ANTXR1: variants seen among roughly 807,000 people sequenced by gnomAD.
ANTXR1 encodes the protein ANTXR cell adhesion molecule 1, also known as anthrax toxin receptor 1.
Under a neutral mutation model 78.1 loss-of-function variants are expected in ANTXR1, and 19 were observed. That is an observed-to-expected ratio of 0.24 (90% CI 0.17 to 0.36). The LOEUF (loss-of-function observed/expected upper bound fraction) is 0.36, where lower values mean the gene tolerates loss of function less well. Among genes scored for constraint, ANTXR1 ranks in the 10% least tolerant of loss-of-function variants. The probability of loss-of-function intolerance (pLI) is 1.00; values close to 1 mark genes in which losing one functional copy is unlikely to be tolerated. For missense variants in ANTXR1, 518 were observed against 718.6 expected (o/e 0.72, Z 3.19); for synonymous variants, 273 against 260.5 (o/e 1.05, Z -0.46).
At position 69,013,442 on chromosome 2, in the gene ANTXR1, G is replaced by T; in HGVS notation, c.-58G>T. 1.9e-6 allele frequency: 3 copies of T among 1,571,028 alleles called. No individual in the cohort carries two copies. The highest frequency in any genetic ancestry group is 1.7e-6 in the Non-Finnish European group (2 of 1,159,748). ...CGCGGATGGCGCGTCCCTGAGGGTC[G>T]TGGCGAGTTCGCGGAGCGTGGGAAG... is the stretch of plus-strand genomic sequence containing the variant. On this transcript the variant is annotated 5_prime_UTR_variant, in exon 1 of 18. Coordinates refer to ENST00000303714, the MANE Select transcript of ANTXR1 (RefSeq NM_032208.3). This position sits in a 1 kb window ranked among gnomAD's most constrained non-coding sequence, Gnocchi z 5.0.
intron 17 of ANTXR1, among the ~76,000 whole-genome samples, chr2:69,228,310 C>T (rs1361949905): frequency 1.3e-5 from 2 of 152,168 alleles, no homozygotes; most frequent in Non-Finnish European, 2.9e-5. Context: ...AACAGAACAA[C>T]GGAGGCTGGG....
At chr2:69,137,228 C>T (rs915570139) in intron 12 of ANTXR1, among the ~76,000 whole-genome samples, 10 of 152,110 alleles carry the variant, frequency 6.6e-5, no homozygotes, top group African/African-American at 2.4e-4. Context: ...TGGTCTCTCG[C>T]TTCTTGATAT....
At chr2:69,089,315 T>G (rs1020117687) in intron 8 of ANTXR1, among the ~76,000 whole-genome samples, 1 of 152,240 alleles carries the variant, frequency 6.6e-6, no homozygotes, top group Non-Finnish European at 1.5e-5. Context: ...TTCTTAAGCA[T>G]GTTTGTTCAT....
intron 16 of ANTXR1, among the ~76,000 whole-genome samples, chr2:69,184,653 C>T (rs991718036): frequency 1.3e-5 from 2 of 152,004 alleles, no homozygotes; most frequent in South Asian, 2.1e-4. Context: ...CCTCTATTGA[C>T]TGGCGGTTTA....
rs111813922 is a variant in ANTXR1, at chr2:69,206,393, G to T, written c.1434+12978G>T. 3.4e-3 allele frequency among the ~76,000 whole-genome samples: 519 copies of T among 152,320 alleles called. 3 individuals carry two copies. Among genetic ancestry groups the T allele is most frequent in the African/African-American group, 0.012 (484 of 41,570 alleles). On this transcript the variant is annotated intron_variant, in intron 17 of 17. Transcript: ENST00000303714. ...AGAGTCTGGAAAATTGAAATAATAA[G>T]GGGCAGCATTCTCCTTAGTGGTATA... is the stretch of plus-strand genomic sequence containing the variant.
intron 17 of ANTXR1, among the ~76,000 whole-genome samples, chr2:69,203,067 T>C (rs1674812755): frequency 7.6e-6 from 1 of 131,478 alleles, no homozygotes; most frequent in Non-Finnish European, 1.7e-5. Flanking sequence ...GTCGTTTTTC[T>C]TGCACAATAA....
intron 13 of ANTXR1, among the ~76,000 whole-genome samples, chr2:69,163,384 G>A (rs764229619): frequency 1.3e-5 from 2 of 151,882 alleles, no homozygotes; most frequent in Non-Finnish European, 2.9e-5. Context: ...GCTGCTCTCG[G>A]CATTACCTCC....
chr2:69,077,532 C>T, intron 8 of ANTXR1, 44 bp downstream of exon 8: 1 of 1,596,980 alleles, frequency 6.3e-7, no homozygotes, highest in Non-Finnish European at 8.6e-7. Context: ...CAGGCACCTT[C>T]CGTCTCTGAT....
rs57902226 is a variant in ANTXR1, at chr2:69,020,394, CTGTTTTGTTT to C, written c.152+6767_152+6776del. On this transcript the variant is annotated intron_variant, in intron 1 of 17. Transcript: ENST00000303714. Reference sequence around the variant, plus strand: ...AAAAATAAAAATAAATAAGGCAAAACTGTTTTGTTTTGTTTTGTTTTGTTTTGTTTTGTGT... The same window carrying C: ...AAAAATAAAAATAAATAAGGCAAAACTGTTTTGTTTTGTTTTGTTTTGTGT... Among the ~76,000 whole-genome samples the C allele has an allele frequency of 2.3e-4, 35 of 151,300 alleles. No individual in the cohort carries two copies. The East Asian group carries it at 2.7e-3, about 12-fold the overall frequency.
At chr2:69,116,288 C>T (rs1333949860) in intron 10 of ANTXR1, among the ~76,000 whole-genome samples, 4 of 152,332 alleles carry the variant, frequency 2.6e-5, no homozygotes, top group Non-Finnish European at 5.9e-5. Context: ...CCCAGTTGGG[C>T]AATCAGTCAT....
At chr2:69,141,241 G>T (rs1482993122) in intron 12 of ANTXR1, among the ~76,000 whole-genome samples, 1 of 152,212 alleles carries the variant, frequency 6.6e-6, no homozygotes, top group Non-Finnish European at 1.5e-5. Context: ...AGAAGGAAAG[G>T]GAGGATGGAA....
chr2:69,088,005 G>A (rs780102765), intron 8 of ANTXR1, among the ~76,000 whole-genome samples: 2 of 152,176 alleles, frequency 1.3e-5, no homozygotes, highest in Non-Finnish European at 2.9e-5. Flanking sequence ...TCTATTGGCT[G>A]TATTGCATCC....
intron 9 of ANTXR1, among the ~76,000 whole-genome samples, chr2:69,102,532 A>G (rs1671656446): frequency 6.6e-6 from 1 of 152,232 alleles, no homozygotes; most frequent in Admixed American, 6.5e-5. Context: ...CCTGGATTTG[A>G]AAACTGGCTA....
intron 3 of ANTXR1, among the ~76,000 whole-genome samples, chr2:69,061,086 C>T (rs971960199): frequency 1.1e-4 from 16 of 152,128 alleles, no homozygotes; most frequent in African/African-American, 3.9e-4. Flanking sequence ...ACCATGTAGC[C>T]TTGTAGAATC....
At chr2:69,139,838 G>T (rs143044711) in intron 12 of ANTXR1, among the ~76,000 whole-genome samples, 1 of 152,232 alleles carries the variant, frequency 6.6e-6, no homozygotes, top group Non-Finnish European at 1.5e-5. Context: ...GTAAGTAAAC[G>T]AATCACTATA....
Position 69,062,996 on chromosome 2 carries a change from T to A in ANTXR1, c.297-7651T>A, listed in dbSNP as rs192807733. 1.9e-3 allele frequency among the ~76,000 whole-genome samples: 289 copies of A among 152,086 alleles called. 1 individual carries two copies. The highest frequency in any genetic ancestry group is 6.7e-3 in the African/African-American group (278 of 41,486). ...CAGATTGAACACCACAGAAAAGGGA[T>A]TAATAAGTTTAAAAACAAGTGAATA... On this transcript the variant is annotated intron_variant, in intron 3 of 17. Transcript: ENST00000303714.
At chr2:69,084,108 G>A (rs1670975796) in intron 8 of ANTXR1, among the ~76,000 whole-genome samples, 5 of 152,176 alleles carry the variant, frequency 3.3e-5, no homozygotes. Flanking sequence ...CTCCTATATT[G>A]AGGAATCTGC....
intron 10 of ANTXR1, among the ~76,000 whole-genome samples, chr2:69,110,453 G>A (rs1027202294): frequency 2.6e-5 from 4 of 152,196 alleles, no homozygotes; most frequent in African/African-American, 9.6e-5. Context: ...TAGGTAATCT[G>A]TTAGATAAGT....
chr2:69,192,384 G>A (rs1018143426), intron 16 of ANTXR1, among the ~76,000 whole-genome samples: 11 of 152,032 alleles, frequency 7.2e-5, no homozygotes, highest in East Asian at 1.9e-4. Flanking sequence ...GTTTATGGCC[G>A]CCCTCCATTT....
Sources: gnomAD v4.1 joint callset for allele counts (sites outside exome capture counted in the v4.1 genomes callset) on GRCh38, gnomAD v4.1.1 for gene constraint, Gnocchi (gnomAD v3.1) non-coding constraint, MANE v1.5 for transcripts, NCBI Gene and HGNC (gene_info 2026-07-23, HGNC 2026-07-21) for gene names.